The following ABLIM1 variants were observed in gnomAD, a reference collection of about 807,000 sequenced individuals.
The protein encoded by ABLIM1 is actin binding LIM protein 1, also known as actin-binding LIM protein 1.
A neutral mutation model predicts 107.0 loss-of-function variants in ABLIM1; 40 were observed. The ratio of observed to expected loss-of-function variants is 0.37; its 90% CI spans 0.29 to 0.49. The LOEUF is 0.49. ABLIM1 is among the 20% of genes least tolerant of loss of function. The pLI, the probability that ABLIM1 is intolerant of heterozygous loss-of-function variation, is 0.97. For missense variants in ABLIM1, 857 were observed against 1,008.5 expected (o/e 0.85, Z 2.04); for synonymous variants, 357 against 357.3 (o/e 1.00, Z 0.01).
intron 14 of ABLIM1, among the ~76,000 whole-genome samples, chr10:114,448,230 A>ATTCTACATGTG (rs1408387222): frequency 6.6e-6 from 1 of 152,252 alleles, no homozygotes; most frequent in African/African-American, 2.4e-5. Context: ...GCAAAGCTTC[A>ATTCTACATGTG]TTCTACATGT....
intron 8 of ABLIM1, among the ~76,000 whole-genome samples, chr10:114,475,861 C>T (rs147024523): frequency 1.3e-3 from 200 of 152,296 alleles, no homozygotes; most frequent in African/African-American, 4.5e-3. Flanking sequence ...GGAACACTTC[C>T]TCCCCTCTGT....
intron 1 of ABLIM1, among the ~76,000 whole-genome samples, chr10:114,751,627 G>T (rs186586324): frequency 6.6e-6 from 1 of 151,928 alleles, no homozygotes; most frequent in Admixed American, 6.6e-5. Flanking sequence ...GCGCACACAT[G>T]TAGTCCCAGC....
chr10:114,589,670 G>A (rs1341274287), intron 2 of ABLIM1, among the ~76,000 whole-genome samples: 1 of 152,136 alleles, frequency 6.6e-6, no homozygotes, highest in Non-Finnish European at 1.5e-5. Context: ...AGCCTCCTGA[G>A]TAGCTGGGAC....
chr10:114,502,646 G>A (rs1461201921), intron 6 of ABLIM1, among the ~76,000 whole-genome samples: 3 of 152,030 alleles, frequency 2.0e-5, no homozygotes, highest in African/African-American at 4.8e-5. Context: ...ACAGGTATGC[G>A]CCACCATGCC....
chr10:114,564,570 A>T (rs747765522), intron 4 of ABLIM1, among the ~76,000 whole-genome samples: 3 of 151,866 alleles, frequency 2.0e-5, no homozygotes, highest in Non-Finnish European at 4.4e-5. Context: ...TGCGCCCAGC[A>T]TCCTACATAG....
chr10:114,530,740 G>T (rs534729139), intron 6 of ABLIM1, among the ~76,000 whole-genome samples: 4 of 152,234 alleles, frequency 2.6e-5, no homozygotes, highest in Admixed American at 2.6e-4. Flanking sequence ...TGCCTTATTG[G>T]CCAGGCTGCT....
intron 1 of ABLIM1, among the ~76,000 whole-genome samples, chr10:114,640,522 A>C (rs2140925689): frequency 6.6e-6 from 1 of 151,032 alleles, no homozygotes; most frequent in South Asian, 2.1e-4. Context: ...GCAAGACACC[A>C]TCTCAAAACA....
At chr10:114,526,922 T>C in intron 6 of ABLIM1, 4 of 985,456 alleles carry the variant, frequency 4.1e-6, no homozygotes, top group Non-Finnish European at 4.8e-6. Context: ...ACGCCTCCTC[T>C]CCTCGCTTTA....
At chr10:114,750,156 ATG>A (rs2142407199) in intron 1 of ABLIM1, among the ~76,000 whole-genome samples, 1 of 152,274 alleles carries the variant, frequency 6.6e-6, no homozygotes, top group East Asian at 1.9e-4. Flanking sequence ...TGTGGAATGA[ATG>A]TAGTAGGTGG....
chr10:114,562,389 C>A (rs965479451), intron 4 of ABLIM1, among the ~76,000 whole-genome samples: 9 of 152,032 alleles, frequency 5.9e-5, no homozygotes, highest in Admixed American at 1.3e-4. Context: ...ATTAGCCGGG[C>A]GTGGTGGCGG....
the ABLIM1 span, chr10:114,779,329 A>C: frequency 2.0e-5 from 3 of 152,212 alleles, no homozygotes; most frequent in Non-Finnish European, 4.4e-5. Context: ...AGTAAGTGGC[A>C]AGCTAGAATC....
At chr10:114,634,614 T>C (rs1034531756) in intron 1 of ABLIM1, among the ~76,000 whole-genome samples, 1 of 152,154 alleles carries the variant, frequency 6.6e-6, no homozygotes, top group Non-Finnish European at 1.5e-5. Flanking sequence ...TAACAGCTGG[T>C]GCCTATTCAT....
chr10:114,637,419 A>T (rs2078534721), intron 1 of ABLIM1, among the ~76,000 whole-genome samples: 1 of 152,176 alleles, frequency 6.6e-6, no homozygotes, highest in African/African-American at 2.4e-5. Flanking sequence ...TAAATATCTG[A>T]TCCCTCTTGA....
chr10:114,762,586 A>G (rs897215196), intron 1 of ABLIM1, among the ~76,000 whole-genome samples: 7 of 152,166 alleles, frequency 4.6e-5, no homozygotes, highest in Non-Finnish European at 7.4e-5. Flanking sequence ...TTACTACCAA[A>G]CAACATAAAG....
chr10:114,728,794 T>C (rs1439340822), intron 1 of ABLIM1, among the ~76,000 whole-genome samples: 1 of 152,078 alleles, frequency 6.6e-6, no homozygotes, highest in East Asian at 1.9e-4. Flanking sequence ...TGTAGGAGAA[T>C]TCAGCTGTAT....
At chr10:114,478,798 C>T (rs1476076230) in intron 8 of ABLIM1, among the ~76,000 whole-genome samples, 1 of 152,168 alleles carries the variant, frequency 6.6e-6, no homozygotes, top group African/African-American at 2.4e-5. Context: ...GAATTTACCA[C>T]TGTTTGTTTT....
At chr10:114,451,974 G>A (rs946283825) in intron 13 of ABLIM1, among the ~76,000 whole-genome samples, 2 of 152,046 alleles carry the variant, frequency 1.3e-5, no homozygotes, top group African/African-American at 4.8e-5. Flanking sequence ...AGGAAGAAAC[G>A]CAAGCAGTGG....
intron 2 of ABLIM1, among the ~76,000 whole-genome samples, chr10:114,588,622 G>A (rs571971100): frequency 6.7e-6 from 1 of 149,606 alleles, no homozygotes; most frequent in African/African-American, 2.5e-5. Context: ...AGCCTCCTGA[G>A]TAGCTGGGAC....
At chr10:114,695,483 C>A (rs535605512) in intron 1 of ABLIM1, among the ~76,000 whole-genome samples, 1 of 152,086 alleles carries the variant, frequency 6.6e-6, no homozygotes, top group African/African-American at 2.4e-5. Flanking sequence ...TTTTTGAAAT[C>A]CATTCTCTTT....
Sources: allele counts gnomAD v4.1 joint callset (sites outside exome capture counted in the v4.1 genomes callset), GRCh38; gene constraint gnomAD v4.1.1; transcripts MANE v1.5; gene names NCBI Gene and HGNC (gene_info 2026-07-23, HGNC 2026-07-21).